TSHZ2: variants seen among roughly 807,000 people sequenced by gnomAD.
The protein encoded by TSHZ2 is teashirt homolog 2.
In TSHZ2, 21 loss-of-function variants were observed where a neutral mutation model predicts 74.4. The observed-to-expected ratio is 0.28, with a 90% CI of 0.20 to 0.41. TSHZ2 has a LOEUF of 0.41. TSHZ2 is among the 10% of genes least tolerant of loss of function. The probability of loss-of-function intolerance (pLI) is 1.00; values close to 1 mark genes in which losing one functional copy is unlikely to be tolerated. For synonymous variants in TSHZ2, 540 were observed against 515.3 expected (o/e 1.05, Z -0.65); for missense variants, 1,244 against 1,293.5 (o/e 0.96, Z 0.59).
intron 1 of TSHZ2, among the ~76,000 whole-genome samples, chr20:53,059,050 G>C (rs1984734670): frequency 6.6e-6 from 1 of 152,182 alleles, no homozygotes; most frequent in Non-Finnish European, 1.5e-5. Context: ...GCCACACAAG[G>C]AAATGTACTA....
At chr20:53,010,249 T>C (rs906370504) in intron 1 of TSHZ2, among the ~76,000 whole-genome samples, 11 of 152,246 alleles carry the variant, frequency 7.2e-5, no homozygotes, top group African/African-American at 1.7e-4. Flanking sequence ...TTTGAGAACA[T>C]CCCTCTATTC....
At chr20:53,247,046 C>T (rs1339733002) in intron 1 of TSHZ2, among the ~76,000 whole-genome samples, 2 of 152,240 alleles carry the variant, frequency 1.3e-5, no homozygotes, top group South Asian at 2.1e-4. Flanking sequence ...GGCCCCCCAT[C>T]ACTGTACCCA....
At chr20:53,302,188 T>A (rs1600799231) in intron 2 of TSHZ2, among the ~76,000 whole-genome samples, 1 of 152,310 alleles carries the variant, frequency 6.6e-6, no homozygotes, top group African/African-American at 2.4e-5. Flanking sequence ...GTTGCAGCCA[T>A]TTCTTCAATT....
At chr20:52,998,033 G>A (rs1008828499) in intron 1 of TSHZ2, among the ~76,000 whole-genome samples, 6 of 152,162 alleles carry the variant, frequency 3.9e-5, no homozygotes, top group African/African-American at 1.2e-4. Context: ...GGGGGGATTC[G>A]TGAGCACGTT....
At chr20:53,313,441 T>C (rs1465728616) in intron 2 of TSHZ2, among the ~76,000 whole-genome samples, 1 of 152,220 alleles carries the variant, frequency 6.6e-6, no homozygotes, top group Non-Finnish European at 1.5e-5. Context: ...TAGGCTGAAA[T>C]AAAGGGATGC....
At chr20:53,190,001 C>G (rs767260543) in intron 1 of TSHZ2, among the ~76,000 whole-genome samples, 1 of 144,640 alleles carries the variant, frequency 6.9e-6, no homozygotes, top group Non-Finnish European at 1.5e-5. Flanking sequence ...GGAGGATCAC[C>G]CGAGCCAGGG....
At chr20:53,221,536 T>G (rs1422044237) in intron 1 of TSHZ2, among the ~76,000 whole-genome samples, 1 of 152,196 alleles carries the variant, frequency 6.6e-6, no homozygotes, top group African/African-American at 2.4e-5. Flanking sequence ...CGGAGTGGTA[T>G]AAGAAGAAAT....
chr20:53,038,192 CAAAAAAAAAAAAAAAAAAAA>C lies in TSHZ2; in HGVS notation c.40+64881_40+64900del, dbSNP rs869242676. ...GGGCGACAAGAGCGGGATTCCGTCT[CAAAAAAAAAAAAAAAAAAAA>C]AAAAAAAAAAAAAAAAAAAAAGAAA... On this transcript the variant is annotated intron_variant, in intron 1 of 2. Transcript: ENST00000371497. 4.4e-4 allele frequency among the ~76,000 whole-genome samples: 24 copies of C among 53,944 alleles called. 1 individual carries two copies. The highest frequency in any genetic ancestry group is 1.9e-3 in the Admixed American group (6 of 3,170). The allele number at this position is 53,944 out of a possible 152,430, so 35.4% of individuals were successfully genotyped here.
At position 53,438,296 on chromosome 20, in the gene TSHZ2, G is replaced by A. The variant is rs537368371; in HGVS notation, c.*9-48848G>A. 4.3e-4 allele frequency among the ~76,000 whole-genome samples: 66 copies of A among 151,970 alleles called. 1 individual carries two copies. The highest frequency in any genetic ancestry group is 3.5e-3 in the East Asian group (18 of 5,146). On this transcript the variant is annotated intron_variant, in intron 2 of 2. Transcript: ENST00000371497. ...CGCTAATTTTTTGTACTTTAGTAGA[G>A]ATGGGCTTTCACCATGTTGGCCAGG...
intron 2 of TSHZ2, among the ~76,000 whole-genome samples, chr20:53,281,813 T>G (rs1174646835): frequency 6.6e-6 from 1 of 152,216 alleles, no homozygotes; most frequent in Non-Finnish European, 1.5e-5. Context: ...GAGTTCCACC[T>G]GTCTGTAAGC....
At chr20:53,044,621 T>C (rs1417725289) in intron 1 of TSHZ2, among the ~76,000 whole-genome samples, 1 of 152,118 alleles carries the variant, frequency 6.6e-6, no homozygotes, top group Non-Finnish European at 1.5e-5. Flanking sequence ...AACTCTGAAG[T>C]GTAAGTCACA....
intron 1 of TSHZ2, among the ~76,000 whole-genome samples, chr20:53,098,161 A>G (rs1448171200): frequency 1.3e-5 from 2 of 152,216 alleles, no homozygotes; most frequent in African/African-American, 4.8e-5. Flanking sequence ...TTGGAGCCAG[A>G]CAAACTTCAA....
At chr20:53,220,231 G>A (rs754681192) in intron 1 of TSHZ2, among the ~76,000 whole-genome samples, 1 of 152,152 alleles carries the variant, frequency 6.6e-6, no homozygotes, top group Non-Finnish European at 1.5e-5. Flanking sequence ...AAAGTCTTTG[G>A]GGTAATTGGA....
chr20:53,001,952 C>T (rs994621307), intron 1 of TSHZ2, among the ~76,000 whole-genome samples: 3 of 152,094 alleles, frequency 2.0e-5, no homozygotes, highest in Non-Finnish European at 4.4e-5. Context: ...TTTATCAAGG[C>T]TTAAAGGAAG....
chr20:53,187,039 A>C (rs978477879), intron 1 of TSHZ2, among the ~76,000 whole-genome samples: 3 of 152,146 alleles, frequency 2.0e-5, no homozygotes, highest in African/African-American at 7.2e-5. Context: ...AGCCAAAATG[A>C]GTTTTAAGCT....
intron 2 of TSHZ2, among the ~76,000 whole-genome samples, chr20:53,363,855 GA>G (rs2145609249): frequency 6.6e-6 from 1 of 152,318 alleles, no homozygotes; most frequent in East Asian, 1.9e-4. Context: ...ACTGTAAATA[GA>G]AACCTGATTC....
At chr20:53,113,165 GC>G (rs1488152344) in intron 1 of TSHZ2, among the ~76,000 whole-genome samples, 1 of 152,194 alleles carries the variant, frequency 6.6e-6, no homozygotes. Flanking sequence ...GTCTTAATGT[GC>G]TCTCTGGTGT....
chr20:53,106,404 T>C (rs1204476066), intron 1 of TSHZ2, among the ~76,000 whole-genome samples: 49 of 119,160 alleles, frequency 4.1e-4, no homozygotes, highest in African/African-American at 1.6e-3. Context: ...TTTTTTTTTT[T>C]TTTTTTTTTT....
chr20:52,984,408 G>T (rs994877707), intron 1 of TSHZ2, among the ~76,000 whole-genome samples: 1 of 152,194 alleles, frequency 6.6e-6, no homozygotes. Context: ...ATCAGGAAAG[G>T]TACCCGTCTG....
Sources: gnomAD v4.1 joint callset for allele counts (sites outside exome capture counted in the v4.1 genomes callset) on GRCh38, gnomAD v4.1.1 for gene constraint, MANE v1.5 for transcripts, NCBI Gene and HGNC (gene_info 2026-07-23, HGNC 2026-07-21) for gene names.